G2E3: variants seen among roughly 807,000 people sequenced by gnomAD.
G2E3 encodes G2/M-phase specific E3 ubiquitin protein ligase, also known as G2/M phase-specific E3 ubiquitin-protein ligase.
A neutral mutation model predicts 92.8 loss-of-function variants in G2E3; 35 were observed. That is an observed-to-expected ratio of 0.38 (90% confidence interval 0.29 to 0.50). G2E3 has a LOEUF of 0.50. Among genes scored for constraint, G2E3 ranks in the 20% least tolerant of loss-of-function variants. The pLI is 0.94. For missense variants in G2E3, 554 were observed against 823.8 expected, an observed-to-expected ratio of 0.67 and a Z score of 4.01; for synonymous variants, 242 against 272.4, an observed-to-expected ratio of 0.89 and a Z score of 1.10.
At chr14:30,576,094 C>T (rs1388877316) in intron 1 of G2E3, among the ~76,000 whole-genome samples, 1 of 152,104 alleles carries the variant, frequency 6.6e-6, no homozygotes, top group Non-Finnish European at 1.5e-5. Flanking sequence ...AAGCTGGAGG[C>T]ATCACATTAC....
intron 10 of G2E3, chr14:30,602,618 T>C (rs1881625676): frequency 6.6e-6 from 1 of 152,650 alleles, no homozygotes; most frequent in Non-Finnish European, 1.5e-5. Flanking sequence ...TTTTTCTTTT[T>C]TCTTTTTTTT....
chr14:30,610,084 G>A (rs1882017243), intron 12 of G2E3, among the ~76,000 whole-genome samples: 4 of 152,102 alleles, frequency 2.6e-5, no homozygotes, highest in Admixed American at 2.6e-4. Context: ...CTCTTCATTA[G>A]GGCATTTAAG....
chr14:30,605,894 T>TAGAGCACAGGTATTA, intron 11 of G2E3, 82 bp downstream of exon 11: 1 of 686,214 alleles, frequency 1.5e-6, no homozygotes. Context: ...AATTGATATT[T>TAGAGCACAGGTATTA]AATACCTGTG....
intron 14 of G2E3, 103 bp downstream of exon 14, chr14:30,615,642 T>TTG: frequency 1.6e-6 from 1 of 617,568 alleles, no homozygotes; most frequent in East Asian, 2.9e-5. Flanking sequence ...GGTATTAATA[T>TTG]TAAGATGCTA....
chr14:30,601,594 T>C (rs1594501736), intron 8 of G2E3, among the ~76,000 whole-genome samples, 176 bp from the exon 9 acceptor site: 1 of 152,216 alleles, frequency 6.6e-6, no homozygotes, highest in Non-Finnish European at 1.5e-5. Context: ...TAAGTTAGTT[T>C]TGGTTTTTAC....
Position 30,605,766 on chromosome 14 carries a change from A to C in G2E3, c.1272A>C (p.Ser424=). 1 of 1,596,362 alleles carries C rather than the reference A, an allele frequency of 6.3e-7. No individual in the cohort carries two copies. The highest frequency in any genetic ancestry group is 1.1e-5 in the South Asian group (1 of 87,224). The change falls in exon 11 of 15, where the codon TCA becomes TCC. Residue 424 remains serine (S), a synonymous_variant. Coordinates refer to ENST00000206595, the MANE Select transcript of G2E3 (RefSeq NM_017769.5). ...SLLMQHLENS[S]LFEGSLSKNL... is the part of the protein sequence containing the mutation. ...TAATGCAACATCTTGAGAACTCATC[A>C]TTGTTTGAAGGGTCCTTGTCAAAGA...
At chr14:30,611,987 G>C in intron 12 of G2E3, 1 of 413,726 alleles carries the variant, frequency 2.4e-6, no homozygotes, top group Non-Finnish European at 4.4e-6. Flanking sequence ...GTTTCACGTA[G>C]TAAAGTGGCA....
intron 1 of G2E3, among the ~76,000 whole-genome samples, chr14:30,564,893 A>G (rs534636337): frequency 2.2e-4 from 33 of 152,260 alleles, no homozygotes; most frequent in African/African-American, 7.5e-4. Flanking sequence ...TTTCTTTGTA[A>G]TGTATTGATT....
chr14:30,608,677 G>T (rs1416709965), intron 12 of G2E3, among the ~76,000 whole-genome samples: 1 of 152,196 alleles, frequency 6.6e-6, no homozygotes, highest in African/African-American at 2.4e-5. Context: ...TTATCATAAT[G>T]CCATATAAGT....
chr14:30,593,683 T>G, intron 6 of G2E3, 44 bp downstream of exon 6: 1 of 1,332,924 alleles, frequency 7.5e-7, no homozygotes, highest in South Asian at 1.3e-5. Flanking sequence ...GATATAAAAT[T>G]ATGGCTTGCT....
chr14:30,617,434 T>C lies in G2E3; in HGVS notation c.*900T>C, dbSNP rs1206003528. On this transcript the variant is annotated 3_prime_UTR_variant, in exon 15 of 15. Transcript: ENST00000206595. Reference sequence around the variant, plus strand: ...GTTGTTGTTGTTTGTATCCTATGTTTGGTATTCTGTATGTCTGATCCATAA... The same window carrying C: ...GTTGTTGTTGTTTGTATCCTATGTTCGGTATTCTGTATGTCTGATCCATAA... 6.6e-6 allele frequency: 1 copy of C among 152,092 alleles called. No homozygotes were observed. Among genetic ancestry groups the C allele is most frequent in the East Asian group, 1.9e-4 (1 of 5,198 alleles). The allele number at this position is 152,092 out of a possible 1,614,324, so 9.4% of individuals were successfully genotyped here. A position where few individuals can be genotyped will look rare whatever the true frequency, so the allele number is the denominator to read the frequency against.
chr14:30,605,470 G>T, intron 10 of G2E3, 35 bp from the exon 11 acceptor site: 1 of 841,042 alleles, frequency 1.2e-6, no homozygotes, highest in Non-Finnish European at 1.9e-6. Context: ...GTACTTTAAA[G>T]TACTTATCTC....
At chr14:30,584,456 A>G (rs565986658) in intron 2 of G2E3, among the ~76,000 whole-genome samples, 1 of 152,264 alleles carries the variant, frequency 6.6e-6, no homozygotes, top group East Asian at 1.9e-4. Flanking sequence ...CTGCTGGACT[A>G]TTTCCCAAAG....
At chr14:30,593,876 TA>T (rs549623278) in intron 6 of G2E3, among the ~76,000 whole-genome samples, 2 of 152,322 alleles carry the variant, frequency 1.3e-5, no homozygotes, top group South Asian at 4.1e-4. Flanking sequence ...TATTTATACT[TA>T]AAGAATTTTG....
At chr14:30,594,634 A>G (rs1566541907) in intron 6 of G2E3, among the ~76,000 whole-genome samples, 1 of 151,956 alleles carries the variant, frequency 6.6e-6, no homozygotes. Flanking sequence ...CGGAGCTTGC[A>G]CTGAGCCAAG....
rs1162430454 is a variant in G2E3, at chr14:30,618,169, ACC to A, written c.*1636_*1637del. On this transcript the variant is annotated 3_prime_UTR_variant, in exon 15 of 15. Coordinates refer to ENST00000206595, the MANE Select transcript of G2E3 (RefSeq NM_017769.5). ...TCTTTTTCAATCTGTACACTAACAT[ACC>A]TAGCAAATTTGTTTTACTTTAACTT... The A allele has an allele frequency of 1.3e-5, 2 of 152,052 alleles. No individual in the cohort carries two copies. The highest frequency in any genetic ancestry group is 4.8e-5 in the African/African-American group (2 of 41,430). The allele number at this position is 152,052 out of a possible 1,614,324, so 9.4% of individuals were successfully genotyped here.
intron 13 of G2E3, 27 bp from the exon 14 acceptor site, chr14:30,615,322 T>C (rs767786629): frequency 3.1e-5 from 39 of 1,268,728 alleles, no homozygotes. Context: ...TGTATGAATG[T>C]TGGCTCATTA....
intron 6 of G2E3, among the ~76,000 whole-genome samples, chr14:30,597,204 A>G (rs916094671): frequency 2.0e-5 from 3 of 152,190 alleles, no homozygotes; most frequent in Non-Finnish European, 4.4e-5. Flanking sequence ...ATGTAAAGCT[A>G]AGTATTAATT....
At chr14:30,590,065 A>G (rs1490283673) in intron 4 of G2E3, among the ~76,000 whole-genome samples, 1 of 152,146 alleles carries the variant, frequency 6.6e-6, no homozygotes, top group Non-Finnish European at 1.5e-5. Flanking sequence ...TGCATCTTCT[A>G]TATAACAGCC....
Sources: allele counts gnomAD v4.1 joint callset (sites outside exome capture counted in the v4.1 genomes callset), GRCh38; gene constraint gnomAD v4.1.1; transcripts MANE v1.5; gene names NCBI Gene and HGNC (gene_info 2026-07-23, HGNC 2026-07-21).